Variants in GAREM1 observed in about 807,000 individuals in gnomAD.
GAREM1 encodes the protein GRB2 associated regulator of MAPK1 subtype 1.
A neutral mutation model predicts 71.3 loss-of-function variants in GAREM1; 26 were observed. The ratio of observed to expected loss-of-function variants is 0.36; its 90% CI spans 0.27 to 0.51. The LOEUF is 0.51. GAREM1 is among the 20% of genes least tolerant of loss of function. GAREM1 has a pLI of 0.95. For missense variants in GAREM1, 1,026 were observed against 1,103.1 expected (o/e 0.93, Z 0.99); for synonymous variants, 440 against 433.2 (o/e 1.02, Z -0.20).
chr18:32,401,363 AAG>A (rs1185120430), intron 1 of GAREM1, among the ~76,000 whole-genome samples: 1 of 151,044 alleles, frequency 6.6e-6, no homozygotes, highest in Admixed American at 6.6e-5. Flanking sequence ...GAATATAAAA[AAG>A]AAATAAAAAG....
intron 1 of GAREM1, among the ~76,000 whole-genome samples, chr18:32,408,979 G>A (rs969986385): frequency 1.3e-4 from 20 of 152,106 alleles, no homozygotes; most frequent in African/African-American, 4.6e-4. Context: ...AGTAATGAGA[G>A]AATAAGTGCT....
intron 1 of GAREM1, among the ~76,000 whole-genome samples, chr18:32,411,956 AT>A (rs1568000983): frequency 1.3e-5 from 2 of 152,146 alleles, no homozygotes; most frequent in African/African-American, 4.8e-5. Flanking sequence ...AAAAAAAAAA[AT>A]CTACATTAAA....
At chr18:32,393,781 CAA>C (rs1253160516) in intron 1 of GAREM1, among the ~76,000 whole-genome samples, 1 of 152,092 alleles carries the variant, frequency 6.6e-6, no homozygotes, top group Non-Finnish European at 1.5e-5. Flanking sequence ...CAAACTATTT[CAA>C]AAGAGAAATT....
At chr18:32,398,405 T>C (rs575270433) in intron 1 of GAREM1, among the ~76,000 whole-genome samples, 1 of 151,936 alleles carries the variant, frequency 6.6e-6, no homozygotes, top group South Asian at 2.1e-4. Flanking sequence ...ATCAACAAAA[T>C]TGATCGACCA....
chr18:32,418,623 C>A (rs895394766), intron 1 of GAREM1, among the ~76,000 whole-genome samples: 1 of 152,144 alleles, frequency 6.6e-6, no homozygotes, highest in Non-Finnish European at 1.5e-5. Context: ...GAGGCTAAGG[C>A]CTTTCCTACC....
At position 32,310,294 on chromosome 18, in the gene GAREM1, CT is replaced by C; in HGVS notation, c.291del (p.Asp98IlefsTer2). On this transcript the variant is annotated frameshift_variant, in exon 3 of 6. Coordinates refer to ENST00000269209, the MANE Select transcript of GAREM1 (RefSeq NM_001242409.2). LOFTEE classifies it high-confidence loss of function. Reference protein sequence around the residue: ...AGQFKLLEQDRDIKEPVQYFN... With the variant: ...AGQFKLLEQDXDIKEPVQYFN... Reference sequence around the variant, plus strand: ...AAATATTGCACTGGCTCCTTTATATCTCGGTCTTGTTCCAGCAGCTTGAATT... The same window carrying C: ...AAATATTGCACTGGCTCCTTTATATCCGGTCTTGTTCCAGCAGCTTGAATT... 1 of 1,614,158 alleles carries C rather than the reference CT, an allele frequency of 6.2e-7. No homozygotes were observed. The highest frequency in any genetic ancestry group is 8.5e-7 in the Non-Finnish European group (1 of 1,180,016).
intron 2 of GAREM1, among the ~76,000 whole-genome samples, chr18:32,345,270 T>C (rs1049812403): frequency 6.6e-6 from 1 of 152,194 alleles, no homozygotes; most frequent in Non-Finnish European, 1.5e-5. Context: ...GACATATCTA[T>C]GTACTAGAAA....
chr18:32,384,332 C>A (rs2048125167), intron 2 of GAREM1, among the ~76,000 whole-genome samples: 1 of 152,138 alleles, frequency 6.6e-6, no homozygotes, highest in African/African-American at 2.4e-5. Context: ...TGAACTTTCA[C>A]CCCTAGAAAA....
intron 2 of GAREM1, among the ~76,000 whole-genome samples, chr18:32,356,799 T>G (rs565337538): frequency 6.6e-6 from 1 of 152,236 alleles, no homozygotes; most frequent in South Asian, 2.1e-4. Context: ...CCAAAAACCT[T>G]CAGTAAGTGT....
In GAREM1 at chr18:32,277,162, T is replaced by C. The variant is rs562091937; in HGVS notation, c.1567-6779A>G. On this transcript the variant is annotated intron_variant, in intron 4 of 5. Coordinates refer to ENST00000269209, the MANE Select transcript of GAREM1 (RefSeq NM_001242409.2). ...AAAGTTAGACAGGAGGTAAGAGTGGTGTTCGTGAGGGCAGATCACTCTTCT... is the reference window on the plus strand; with the variant it reads ...AAAGTTAGACAGGAGGTAAGAGTGGCGTTCGTGAGGGCAGATCACTCTTCT... 5.3e-5 allele frequency among the ~76,000 whole-genome samples: 8 copies of C among 152,202 alleles called. No individual in the cohort carries two copies. In the South Asian group the frequency reaches 1.5e-3, roughly 28 times the overall value.
chr18:32,426,926 C>G (rs1274232948), intron 1 of GAREM1, among the ~76,000 whole-genome samples: 1 of 152,128 alleles, frequency 6.6e-6, no homozygotes, highest in Non-Finnish European at 1.5e-5. Flanking sequence ...TTAGAACTCT[C>G]CATATAATAC....
At position 32,413,288 on chromosome 18, in the gene GAREM1, A is replaced by G. The variant is rs958757250; in HGVS notation, c.122-20253T>C. On this transcript the variant is annotated intron_variant, in intron 1 of 5. Coordinates refer to ENST00000269209, the MANE Select transcript of GAREM1 (RefSeq NM_001242409.2). ...TTGACAGTTTGGGGGAGTCACTCAC[A>G]TTAAGTAGATTTCCAAAAATACCGC... 14 of 1,307,104 alleles carry G rather than the reference A, an allele frequency of 1.1e-5. No individual in the cohort carries two copies. The African/African-American group carries it at 1.5e-4, about 14-fold the overall frequency. 81.0% of individuals were successfully genotyped at this position (1,307,104 alleles called of 1,614,324 possible). A position where few individuals can be genotyped will look rare whatever the true frequency, so the allele number is the denominator to read the frequency against.
At chr18:32,364,626 T>TA (rs1225624330) in intron 2 of GAREM1, among the ~76,000 whole-genome samples, 1 of 152,160 alleles carries the variant, frequency 6.6e-6, no homozygotes, top group East Asian at 1.9e-4. Context: ...ATTAAATTTT[T>TA]AAAAAAAGTC....
chr18:32,409,982 G>C (rs998338507), intron 1 of GAREM1, among the ~76,000 whole-genome samples: 2 of 152,164 alleles, frequency 1.3e-5, no homozygotes, highest in Non-Finnish European at 2.9e-5. Context: ...CTCTCAATAA[G>C]TCTGATACAT....
At chr18:32,412,281 G>A (rs554190250) in intron 1 of GAREM1, 18 of 1,586,778 alleles carry the variant, frequency 1.1e-5, no homozygotes, top group African/African-American at 9.4e-5. Context: ...TTGGTTTCGT[G>A]GTTTTGCAAA....
chr18:32,275,286 C>G (rs534773534), intron 4 of GAREM1, among the ~76,000 whole-genome samples: 1 of 152,168 alleles, frequency 6.6e-6, no homozygotes, highest in Non-Finnish European at 1.5e-5. Flanking sequence ...GCCTAATGGA[C>G]TAAAGCCTTT....
intron 1 of GAREM1, among the ~76,000 whole-genome samples, chr18:32,401,513 A>G (rs1318615053): frequency 1.3e-5 from 2 of 152,158 alleles, no homozygotes; most frequent in Non-Finnish European, 2.9e-5. Flanking sequence ...GAAAAATGTG[A>G]AAGGGCAAAT....
chr18:32,338,653 T>G (rs1442655433), intron 2 of GAREM1, among the ~76,000 whole-genome samples: 1 of 152,214 alleles, frequency 6.6e-6, no homozygotes, highest in Non-Finnish European at 1.5e-5. Flanking sequence ...TTTGGACACT[T>G]GACATTTAAG....
intron 2 of GAREM1, among the ~76,000 whole-genome samples, chr18:32,330,930 C>A (rs1161718960): frequency 2.0e-5 from 3 of 152,230 alleles, no homozygotes; most frequent in East Asian, 3.9e-4. Flanking sequence ...GAAATGACTG[C>A]CTTTCCAGCA....
Sources: gnomAD v4.1 joint callset for allele counts (sites outside exome capture counted in the v4.1 genomes callset) on GRCh38, gnomAD v4.1.1 for gene constraint, MANE v1.5 for transcripts, NCBI Gene and HGNC (gene_info 2026-07-23, HGNC 2026-07-21) for gene names.